The following SEMA3A variants were observed in gnomAD, a reference collection of about 807,000 sequenced individuals.
SEMA3A encodes semaphorin-3A.
Under a neutral mutation model 97.9 loss-of-function variants are expected in SEMA3A, and 29 were observed. The ratio of observed to expected loss-of-function variants is 0.30; its 90% CI spans 0.22 to 0.40. The LOEUF is 0.40. Ranked by LOEUF, SEMA3A falls within the 10% of genes least tolerant of loss-of-function variation. SEMA3A has a pLI of 1.00. For missense variants in SEMA3A, 763 were observed against 951.3 expected, an observed-to-expected ratio of 0.80 and a Z score of 2.60; for synonymous variants, 321 against 323.7, an observed-to-expected ratio of 0.99 and a Z score of 0.09.
intron 2 of SEMA3A, among the ~76,000 whole-genome samples, chr7:84,367,462 A>G (rs1802875556): frequency 6.6e-6 from 1 of 151,194 alleles, no homozygotes; most frequent in Admixed American, 6.6e-5. Context: ...TCTTAAGAAA[A>G]AAATCGCCAA....
At chr7:84,361,669 C>T (rs1802724175) in intron 2 of SEMA3A, among the ~76,000 whole-genome samples, 1 of 151,930 alleles carries the variant, frequency 6.6e-6, no homozygotes, top group African/African-American at 2.4e-5. Context: ...AATCTTATGA[C>T]ATAGACAAGG....
chr7:84,206,488 A>T (rs990086403), intron 3 of SEMA3A, among the ~76,000 whole-genome samples: 4 of 151,806 alleles, frequency 2.6e-5, no homozygotes, highest in Non-Finnish European at 5.9e-5. Flanking sequence ...CGCCTGGCTA[A>T]TTTTTTCTAT....
intron 1 of SEMA3A, among the ~76,000 whole-genome samples, chr7:84,389,571 C>A (rs1324234879): frequency 6.6e-6 from 1 of 151,904 alleles, no homozygotes; most frequent in Non-Finnish European, 1.5e-5. Context: ...ATTAATATGT[C>A]AAATTTAAAA....
At chr7:84,131,994 G>A (rs761893189) in intron 2 of SEMA3A, among the ~76,000 whole-genome samples, 10 of 151,908 alleles carry the variant, frequency 6.6e-5, no homozygotes, top group Non-Finnish European at 1.5e-4. Context: ...TATTTATTTT[G>A]TAGCGACAGG....
intron 13 of SEMA3A, 25 bp from the exon 14 acceptor site, chr7:83,981,503 A>T: frequency 6.5e-7 from 1 of 1,541,748 alleles, no homozygotes; most frequent in Non-Finnish European, 8.7e-7. Flanking sequence ...TACTGCTGTG[A>T]CAAAAACTAT....
chr7:84,180,346 G>C (rs1450909411), intron 1 of SEMA3A, among the ~76,000 whole-genome samples: 7 of 151,996 alleles, frequency 4.6e-5, no homozygotes, highest in Admixed American at 4.6e-4. Context: ...TTATCTAGCA[G>C]AACATAGAAT....
At chr7:84,234,601 T>C (rs747587692) in intron 3 of SEMA3A, among the ~76,000 whole-genome samples, 17 of 152,064 alleles carry the variant, frequency 1.1e-4, no homozygotes, top group Non-Finnish European at 2.2e-4. Context: ...CATACCCTTG[T>C]TGCGCTTGGG....
intron 4 of SEMA3A, among the ~76,000 whole-genome samples, chr7:84,106,219 G>C (rs1429278111): frequency 6.6e-6 from 1 of 152,132 alleles, no homozygotes; most frequent in Non-Finnish European, 1.5e-5. Context: ...AGGCCCCTAG[G>C]ATTATAATGG....
At chr7:84,406,224 C>G (rs949465287) in intron 1 of SEMA3A, among the ~76,000 whole-genome samples, 15 of 152,092 alleles carry the variant, frequency 9.9e-5, no homozygotes, top group Non-Finnish European at 1.6e-4. Context: ...GATATCACCA[C>G]CGATCCCACA....
intron 1 of SEMA3A, among the ~76,000 whole-genome samples, chr7:84,139,041 T>C (rs1484422880): frequency 1.3e-5 from 2 of 152,112 alleles, no homozygotes; most frequent in African/African-American, 4.8e-5. Context: ...TAAATAACTT[T>C]GAATGTACTC....
At chr7:84,176,922 T>C (rs2116223686) in intron 1 of SEMA3A, among the ~76,000 whole-genome samples, 1 of 152,250 alleles carries the variant, frequency 6.6e-6, no homozygotes, top group South Asian at 2.1e-4. Context: ...TCTTCCACTG[T>C]TGCATAACAA....
rs1311730658 is a variant in SEMA3A at position 84,184,808 on chromosome 7, G to A, written c.112+9667C>T. Among the ~76,000 whole-genome samples the A allele has an allele frequency of 4.6e-5, 7 of 152,270 alleles. No homozygotes were observed. The East Asian group carries it at 9.7e-4, about 21-fold the overall frequency. ...TACTAAGGTCCAGAGCCAATATAAT[G>A]AGGAGGCTTAGTGGAAGGGTGGCAG... is the stretch of plus-strand genomic sequence containing the variant. On this transcript the variant is annotated intron_variant, in intron 1 of 16. Transcript: ENST00000265362.
At chr7:84,402,618 A>G (rs778811291) in intron 1 of SEMA3A, among the ~76,000 whole-genome samples, 2 of 152,204 alleles carry the variant, frequency 1.3e-5, no homozygotes, top group Non-Finnish European at 2.9e-5. Context: ...ATGTATGAAG[A>G]TAATGTGGTG....
intron 3 of SEMA3A, chr7:84,306,463 C>T (rs1801157004): frequency 6.6e-6 from 1 of 152,020 alleles, no homozygotes; most frequent in East Asian, 1.9e-4. Flanking sequence ...CAGTCCCATA[C>T]AATATAGATC....
At chr7:84,116,995 T>C (rs1403119492) in intron 3 of SEMA3A, among the ~76,000 whole-genome samples, 1 of 152,180 alleles carries the variant, frequency 6.6e-6, no homozygotes, top group Non-Finnish European at 1.5e-5. Flanking sequence ...CATCAGAACA[T>C]ACATGGTAAC....
At chr7:84,274,824 C>T (rs1800253198) in intron 3 of SEMA3A, among the ~76,000 whole-genome samples, 1 of 151,864 alleles carries the variant, frequency 6.6e-6, no homozygotes, top group Non-Finnish European at 1.5e-5. Context: ...TTGGAACTCC[C>T]TAGGCAAACC....
chr7:84,407,355 C>T (rs1051110781), intron 1 of SEMA3A, among the ~76,000 whole-genome samples: 3 of 152,090 alleles, frequency 2.0e-5, no homozygotes, highest in African/African-American at 7.2e-5. Flanking sequence ...AGGACCTCTT[C>T]AAGGAGAACT....
intron 1 of SEMA3A, among the ~76,000 whole-genome samples, chr7:84,386,860 C>G (rs1023750649): frequency 1.3e-5 from 2 of 152,040 alleles, no homozygotes; most frequent in East Asian, 3.9e-4. Flanking sequence ...ATTAGCCAGG[C>G]ACAGTGGCAT....
intron 1 of SEMA3A, among the ~76,000 whole-genome samples, chr7:84,461,358 T>C (rs929421421): frequency 1.3e-5 from 2 of 152,132 alleles, no homozygotes; most frequent in Admixed American, 6.5e-5. Context: ...TAAAGACAGG[T>C]TGTAACTTTT....
Sources: gnomAD v4.1 joint callset for allele counts (sites outside exome capture counted in the v4.1 genomes callset) on GRCh38, gnomAD v4.1.1 for gene constraint, MANE v1.5 for transcripts, NCBI Gene and HGNC (gene_info 2026-07-23, HGNC 2026-07-21) for gene names.